The following PIP5K1C variants were observed in gnomAD, a reference collection of about 807,000 sequenced individuals.
PIP5K1C encodes the protein phosphatidylinositol 4-phosphate 5-kinase type-1 gamma.
In PIP5K1C, 45 loss-of-function variants were observed where a neutral mutation model predicts 80.1. The observed-to-expected ratio is 0.56, with a 90% CI of 0.44 to 0.72. The LOEUF (loss-of-function observed/expected upper bound fraction) is 0.72, where lower values mean the gene tolerates loss of function less well. PIP5K1C is among the 30% of genes least tolerant of loss of function. PIP5K1C has a pLI of 0.00. For synonymous variants in PIP5K1C, 498 were observed against 420.1 expected (o/e 1.19, Z -2.27); for missense variants, 753 against 954.6 (o/e 0.79, Z 2.78).
intron 5 of PIP5K1C, among the ~76,000 whole-genome samples, chr19:3,660,636 T>G (rs879188966): frequency 8.5e-5 from 13 of 152,170 alleles, no homozygotes; most frequent in Middle Eastern, 3.2e-3. Flanking sequence ...GTCAGTCACT[T>G]TGGCACCAGG....
chr19:3,672,999 G>A (rs2035259560), intron 1 of PIP5K1C, among the ~76,000 whole-genome samples: 1 of 151,558 alleles, frequency 6.6e-6, no homozygotes, highest in African/African-American at 2.4e-5. Flanking sequence ...CGGCAGGGGA[G>A]GGATTCTGCG....
chr19:3,651,621 C>T (rs900284073), intron 8 of PIP5K1C, among the ~76,000 whole-genome samples: 22 of 152,250 alleles, frequency 1.4e-4, no homozygotes, highest in African/African-American at 5.1e-4. Flanking sequence ...AAGCCAAGGC[C>T]CGGAACCCTG....
chr19:3,676,495 G>C (rs926064682), intron 1 of PIP5K1C, among the ~76,000 whole-genome samples: 2 of 152,156 alleles, frequency 1.3e-5, no homozygotes, highest in African/African-American at 2.4e-5. Context: ...GAAATAAAAG[G>C]CTGCACCATC....
At chr19:3,647,545 G>A (rs562877424) in intron 9 of PIP5K1C, among the ~76,000 whole-genome samples, 159 bp from the exon 10 acceptor site, 1 of 152,290 alleles carries the variant, frequency 6.6e-6, no homozygotes, top group East Asian at 1.9e-4. Flanking sequence ...GGCAGGGAGT[G>A]GGTGGAGGCT....
At position 3,660,076 on chromosome 19, in the gene PIP5K1C, G is replaced by A. The variant is rs1009686444; in HGVS notation, c.468+890C>T. 5.9e-5 allele frequency among the ~76,000 whole-genome samples: 9 copies of A among 152,234 alleles called. No homozygotes were observed. In the East Asian group the frequency reaches 1.5e-3, roughly 26 times the overall value. On this transcript the variant is annotated intron_variant, in intron 5 of 17. Coordinates refer to ENST00000335312, the MANE Select transcript of PIP5K1C (RefSeq NM_012398.3). The stretch of plus-strand genomic sequence containing the variant: ...GCGCAGGTTGGATGCCGGGGCTCAC[G>A]CCTGGAATCCCAGCACTTCGGGAGG...
rs768928065 is a variant in PIP5K1C, at chr19:3,643,092, C to T, written c.1649+151G>A. 3.6e-4 allele frequency: 524 copies of T among 1,467,498 alleles called. 2 individuals are homozygous for T. Among genetic ancestry groups the T allele is most frequent in the Non-Finnish European group, 4.4e-4 (466 of 1,058,178 alleles). 90.9% of individuals were successfully genotyped at this position (1,467,498 alleles called of 1,614,324 possible). On this transcript the variant is annotated intron_variant, in intron 13 of 17. Transcript: ENST00000335312. ...CCTCCCACACATTGGATGCTCCGCC[C>T]CCGCGCACCCACATGCAGTGTATGT...
At chr19:3,677,081 A>C (rs2035382502) in intron 1 of PIP5K1C, among the ~76,000 whole-genome samples, 1 of 152,128 alleles carries the variant, frequency 6.6e-6, no homozygotes. Context: ...TAGCCTGGGC[A>C]ACAGAGCAAG....
chr19:3,687,507 G>GCACACGCACA (rs2035795922), intron 1 of PIP5K1C, among the ~76,000 whole-genome samples: 2 of 149,932 alleles, frequency 1.3e-5, no homozygotes, highest in South Asian at 4.2e-4. Flanking sequence ...ACGCACACAT[G>GCACACGCACA]CACATACATG....
rs559380761 is a variant in PIP5K1C, at chr19:3,688,413, G to C, written c.94+11884C>G. On this transcript the variant is annotated intron_variant, in intron 1 of 17. Coordinates refer to ENST00000335312, the MANE Select transcript of PIP5K1C (RefSeq NM_012398.3). This position sits in a 1 kb window ranked among gnomAD's most constrained non-coding sequence, Gnocchi z 5.3. ...CGGCCTCTGGCCCCCTGCTGTGGGC[G>C]GGGAGGGATCTAGAAGACCGGAAGG... 3.9e-5 allele frequency among the ~76,000 whole-genome samples: 6 copies of C among 152,304 alleles called. No individual in the cohort carries two copies. The highest frequency in any genetic ancestry group is 2.1e-4 in the South Asian group (1 of 4,832).
At chr19:3,678,047 T>G (rs1339710116) in intron 1 of PIP5K1C, among the ~76,000 whole-genome samples, 47 of 54,788 alleles carry the variant, frequency 8.6e-4, no homozygotes, top group South Asian at 1.8e-3. Flanking sequence ...AATGGAGGGA[T>G]GGAGAATGGA....
chr19:3,643,970 G>C, intron 12 of PIP5K1C, 117 bp downstream of exon 12: 1 of 1,261,852 alleles, frequency 7.9e-7, no homozygotes, highest in African/African-American at 1.5e-5. Flanking sequence ...CGGCCCTGCA[G>C]ATCCGGAGGG....
chr19:3,700,464 C>T lies in PIP5K1C; in HGVS notation c.-74G>A, dbSNP rs1055638771. On this transcript the variant is annotated 5_prime_UTR_variant, in exon 1 of 18. Coordinates refer to ENST00000335312, the MANE Select transcript of PIP5K1C (RefSeq NM_012398.3). The stretch of plus-strand genomic sequence containing the variant: ...GACCGCCGCCGCCGAACAACAAGCG[C>T]CGCCGGCCAAGGGAGGGCGCGCCGG... 4 of 837,786 alleles carry T rather than the reference C, an allele frequency of 4.8e-6. No homozygotes were observed. Among genetic ancestry groups the T allele is most frequent in the Non-Finnish European group, 5.8e-6 (4 of 691,754 alleles). 51.9% of individuals were successfully genotyped at this position (837,786 alleles called of 1,614,324 possible). A position where few individuals can be genotyped will look rare whatever the true frequency, so the allele number is the denominator to read the frequency against.
At chr19:3,650,559 G>A (rs1246544724) in intron 8 of PIP5K1C, among the ~76,000 whole-genome samples, 2 of 152,212 alleles carry the variant, frequency 1.3e-5, no homozygotes, top group Non-Finnish European at 2.9e-5. Context: ...GCCCAGGACA[G>A]CCCCACCCCA....
At chr19:3,642,860 C>T (rs1298845369) in intron 14 of PIP5K1C, 47 bp downstream of exon 14, 1 of 1,525,566 alleles carries the variant, frequency 6.6e-7, no homozygotes, top group South Asian at 1.1e-5. Context: ...GGGAGCTGTG[C>T]AGGAGGAGCT....
Position 3,692,445 on chromosome 19 carries a change from G to C in PIP5K1C, c.94+7852C>G, listed in dbSNP as rs956473692. Among the ~76,000 whole-genome samples, 1 of 152,188 alleles carries C rather than the reference G, an allele frequency of 6.6e-6. No individual in the cohort carries two copies. The highest frequency in any genetic ancestry group is 1.5e-5 in the Non-Finnish European group (1 of 68,018). ...ATCCATCTTGGCTGAGGGCAGCTCT[G>C]TCCTTCCAGGGCTCAGGCTAAAATC... is the stretch of plus-strand genomic sequence containing the variant. On this transcript the variant is annotated intron_variant, in intron 1 of 17. Coordinates refer to ENST00000335312, the MANE Select transcript of PIP5K1C (RefSeq NM_012398.3). The surrounding 1 kb of genome is among the most constrained non-coding windows in gnomAD (Gnocchi z 5.2).
chr19:3,634,690 T>G (rs1488207977), intron 16 of PIP5K1C, among the ~76,000 whole-genome samples: 1 of 152,224 alleles, frequency 6.6e-6, no homozygotes, highest in African/African-American at 2.4e-5. Flanking sequence ...GCCTCCCTTG[T>G]GCTCCAGGTG....
intron 16 of PIP5K1C, chr19:3,636,724 G>A: frequency 1.0e-6 from 1 of 986,772 alleles, no homozygotes; most frequent in East Asian, 1.1e-4. Flanking sequence ...ACACAGAGGT[G>A]CTCGGAGAGG....
intron 8 of PIP5K1C, chr19:3,650,068 G>A: frequency 6.2e-6 from 1 of 160,002 alleles, no homozygotes; most frequent in Non-Finnish European, 1.4e-5. Flanking sequence ...GCCTGGCCTT[G>A]GCTCCCGCAC....
intron 16 of PIP5K1C, among the ~76,000 whole-genome samples, chr19:3,634,111 C>T (rs1344639382): frequency 6.6e-6 from 1 of 152,144 alleles, no homozygotes; most frequent in Non-Finnish European, 1.5e-5. Context: ...GAGACGCCTT[C>T]CTGAGCAGCA....
Sources: allele counts gnomAD v4.1 joint callset (sites outside exome capture counted in the v4.1 genomes callset), GRCh38; gene constraint gnomAD v4.1.1; non-coding constraint Gnocchi (gnomAD v3.1); transcripts MANE v1.5; gene names NCBI Gene and HGNC (gene_info 2026-07-23, HGNC 2026-07-21).